The following PAPPA2 variants were observed in gnomAD, a reference collection of about 807,000 sequenced individuals.
PAPPA2 encodes pappalysin 2.
In PAPPA2, 86 loss-of-function variants were observed where a neutral mutation model predicts 176.4. The ratio of observed to expected loss-of-function variants is 0.49; its 90% confidence interval spans 0.41 to 0.58. The LOEUF is 0.58. Among genes scored for constraint, PAPPA2 ranks in the 20% least tolerant of loss-of-function variants. The pLI is 0.00. For synonymous variants in PAPPA2, 809 were observed against 852.2 expected, an observed-to-expected ratio of 0.95 and a Z score of 0.88; for missense variants, 2,073 against 2,256.9, an observed-to-expected ratio of 0.92 and a Z score of 1.65.
intron 12 of PAPPA2, among the ~76,000 whole-genome samples, chr1:176,735,314 G>A (rs998813643): frequency 9.9e-5 from 15 of 152,116 alleles, no homozygotes; most frequent in African/African-American, 2.9e-4. Context: ...ATCAGGAAGT[G>A]CCATAGATGA....
intron 2 of PAPPA2, among the ~76,000 whole-genome samples, chr1:176,587,500 C>T (rs1332032806): frequency 1.3e-5 from 2 of 152,190 alleles, no homozygotes; most frequent in Non-Finnish European, 2.9e-5. Flanking sequence ...TTTCAGTTTT[C>T]TGACTATGGC....
chr1:176,479,137 A>G (rs1220994095), intron 1 of PAPPA2, among the ~76,000 whole-genome samples: 1 of 152,204 alleles, frequency 6.6e-6, no homozygotes, highest in African/African-American at 2.4e-5. Flanking sequence ...GGTAGATACT[A>G]TTATCCCCAT....
At chr1:176,703,186 T>G (rs1660738783) in intron 9 of PAPPA2, among the ~76,000 whole-genome samples, 1 of 152,186 alleles carries the variant, frequency 6.6e-6, no homozygotes, top group South Asian at 2.1e-4. Context: ...CTGAGGAAAT[T>G]CAGTATAGCT....
At chr1:176,797,578 T>C (rs1665501954) in intron 20 of PAPPA2, among the ~76,000 whole-genome samples, 1 of 152,012 alleles carries the variant, frequency 6.6e-6, no homozygotes, top group South Asian at 2.1e-4. Flanking sequence ...GCCCGAGAGA[T>C]TGAGGCTGCA....
intron 1 of PAPPA2, among the ~76,000 whole-genome samples, chr1:176,525,735 T>C (rs1236544889): frequency 2.6e-5 from 4 of 152,206 alleles, no homozygotes; most frequent in African/African-American, 9.7e-5. Flanking sequence ...CAGAGGCCCA[T>C]TGAGGGTACA....
At chr1:176,840,299 A>G in intron 22 of PAPPA2, 28 bp downstream of exon 22, 1 of 1,562,324 alleles carries the variant, frequency 6.4e-7, no homozygotes, top group South Asian at 1.1e-5. Flanking sequence ...GGGATGGGGG[A>G]GGCAGTGGCT....
chr1:176,631,502 T>G (rs1253655899), intron 3 of PAPPA2, among the ~76,000 whole-genome samples: 2 of 152,148 alleles, frequency 1.3e-5, no homozygotes, highest in Non-Finnish European at 2.9e-5. Flanking sequence ...CTAAAAACAT[T>G]GAATTGTACA....
chr1:176,714,464 A>G (rs1661281590), intron 12 of PAPPA2, among the ~76,000 whole-genome samples: 1 of 152,076 alleles, frequency 6.6e-6, no homozygotes. Flanking sequence ...AAGGGCCCCT[A>G]TCAGGTATTA....
At chr1:176,799,673 A>G (rs1665590372) in intron 20 of PAPPA2, among the ~76,000 whole-genome samples, 1 of 152,256 alleles carries the variant, frequency 6.6e-6, no homozygotes, top group African/African-American at 2.4e-5. Context: ...CAACACAACC[A>G]TCTTACAATT....
Position 176,789,525 on chromosome 1 carries a change from A to G in PAPPA2, c.4716-284A>G, listed in dbSNP as rs890472742. Among the ~76,000 whole-genome samples the G allele has an allele frequency of 2.6e-5, 4 of 152,356 alleles. No individual in the cohort carries two copies. In the South Asian group the frequency reaches 8.3e-4, roughly 32 times the overall value. On this transcript the variant is annotated intron_variant, in intron 17 of 22. Coordinates refer to ENST00000367662, the MANE Select transcript of PAPPA2 (RefSeq NM_020318.3). Reference sequence around the variant, plus strand: ...TATGTAACAAACCTGCACGTTGTGCACATGTACCCTAAAACTTAAAGTATA... The same window carrying G: ...TATGTAACAAACCTGCACGTTGTGCGCATGTACCCTAAAACTTAAAGTATA...
intron 11 of PAPPA2, 107 bp from the exon 12 acceptor site, chr1:176,711,728 G>T (rs934432036): frequency 1.6e-6 from 2 of 1,240,768 alleles, no homozygotes; most frequent in Non-Finnish European, 2.3e-6. Flanking sequence ...TGATCATTAG[G>T]CATTCAGAAA....
intron 2 of PAPPA2, among the ~76,000 whole-genome samples, chr1:176,564,060 C>T (rs932183724): frequency 2.6e-5 from 4 of 152,098 alleles, no homozygotes; most frequent in African/African-American, 7.2e-5. Flanking sequence ...TATATTTCCT[C>T]GGAATTGTCC....
At chr1:176,688,364 G>A (rs1659945599) in intron 4 of PAPPA2, among the ~76,000 whole-genome samples, 1 of 152,186 alleles carries the variant, frequency 6.6e-6, no homozygotes, top group Non-Finnish European at 1.5e-5. Context: ...TGTTGGTGAT[G>A]ATTATTGCTG....
At chr1:176,584,402 T>G (rs954975852) in intron 2 of PAPPA2, among the ~76,000 whole-genome samples, 23 of 107,868 alleles carry the variant, frequency 2.1e-4, no homozygotes, top group Admixed American at 5.3e-4. Context: ...TGCATTTTTG[T>G]TTTTTTTTTT....
intron 3 of PAPPA2, among the ~76,000 whole-genome samples, chr1:176,639,957 C>T (rs554356759): frequency 1.7e-4 from 25 of 151,012 alleles, no homozygotes; most frequent in African/African-American, 6.0e-4. Flanking sequence ...TTTATATGAT[C>T]GTGATTATTT....
At position 176,594,694 on chromosome 1, in the gene PAPPA2, T is replaced by C; in HGVS notation, c.1090T>C (p.Trp364Arg). The C allele has an allele frequency of 6.2e-7, 1 of 1,614,214 alleles. No homozygotes were observed. The highest frequency in any genetic ancestry group is 8.5e-7 in the Non-Finnish European group (1 of 1,180,030). ...ISHSRYQPGT[W>R]THVAATYDGR... The stretch of plus-strand genomic sequence containing the variant: ...CCACAGTCGCTACCAACCAGGCACA[T>C]GGACCCATGTGGCAGCCACTTACGA... The change falls in exon 3 of 23, where the codon TGG becomes CGG. Residue 364 changes from tryptophan (W) to arginine (R), a missense_variant. By Grantham distance (101) the Trp-to-Arg change is moderately radical. Transcript: ENST00000367662.
chr1:176,817,132 A>T (rs1486094938), intron 21 of PAPPA2, among the ~76,000 whole-genome samples: 1 of 152,140 alleles, frequency 6.6e-6, no homozygotes, highest in Admixed American at 6.6e-5. Context: ...GGGAGCAGGC[A>T]AGAGGTGAGC....
chr1:176,722,827 G>A (rs1046119379), intron 12 of PAPPA2, among the ~76,000 whole-genome samples: 1 of 152,166 alleles, frequency 6.6e-6, no homozygotes, highest in African/African-American at 2.4e-5. Flanking sequence ...TGTATTACAC[G>A]CTACTCTATA....
intron 2 of PAPPA2, among the ~76,000 whole-genome samples, chr1:176,588,363 C>A (rs1653451039): frequency 1.3e-5 from 2 of 152,240 alleles, no homozygotes; most frequent in South Asian, 2.1e-4. Flanking sequence ...CAAACAAAGA[C>A]AACTTGACTT....
Sources: allele counts gnomAD v4.1 joint callset (sites outside exome capture counted in the v4.1 genomes callset), GRCh38; gene constraint gnomAD v4.1.1; transcripts MANE v1.5; gene names NCBI Gene and HGNC (gene_info 2026-07-23, HGNC 2026-07-21).